The following GALNT3 variants were observed in gnomAD, a reference collection of about 807,000 sequenced individuals.
GALNT3 encodes GalNAc transferase 3.
GALNT3 carries 51 observed loss-of-function variants against 69.8 expected under a neutral mutation model. That is an observed-to-expected ratio of 0.73 (90% CI 0.58 to 0.92). GALNT3 has a LOEUF of 0.92. Ranked by LOEUF, GALNT3 falls within the 40% of genes least tolerant of loss-of-function variation. The pLI is 0.00. For missense variants in GALNT3, 711 were observed against 760.0 expected, an observed-to-expected ratio of 0.94 and a Z score of 0.76; for synonymous variants, 265 against 248.5, an observed-to-expected ratio of 1.07 and a Z score of -0.63.
chr2:165,751,615 T>A (rs942733965), intron 9 of GALNT3, among the ~76,000 whole-genome samples: 8 of 152,186 alleles, frequency 5.3e-5, no homozygotes, highest in African/African-American at 1.9e-4. Context: ...CATAATTGGA[T>A]AACTGTGAAT....
intron 3 of GALNT3, 37 bp from the exon 4 acceptor site, chr2:165,762,091 A>G (rs1009009689): frequency 7.2e-7 from 1 of 1,391,880 alleles, no homozygotes; most frequent in Non-Finnish European, 1.0e-6. Flanking sequence ...TTCTTTCTAA[A>G]TGCATTTTCA....
intron 2 of GALNT3, among the ~76,000 whole-genome samples, chr2:165,768,846 G>A (rs1283520576): frequency 6.7e-6 from 1 of 148,514 alleles, no homozygotes; most frequent in Non-Finnish European, 1.5e-5. Flanking sequence ...CCAGGCTGGA[G>A]TGCAACGGCA....
chr2:165,763,719 T>A (rs534198392), intron 3 of GALNT3, among the ~76,000 whole-genome samples: 5 of 152,228 alleles, frequency 3.3e-5, no homozygotes, highest in Admixed American at 6.5e-5. Context: ...TAAAAAAAAA[T>A]TTACTTACCC....
rs762818320 is a variant in GALNT3, at chr2:165,754,604, A to G, written c.1626+23T>C. The G allele has an allele frequency of 3.9e-6, 6 of 1,527,440 alleles. No homozygotes were observed. In the African/African-American group the frequency reaches 4.1e-5, roughly 10 times the overall value. The allele number at this position is 1,527,440 out of a possible 1,614,324, so 94.6% of individuals were successfully genotyped here. A position where few individuals can be genotyped will look rare whatever the true frequency, so the allele number is the denominator to read the frequency against. ...GTGCTTGTAAATGCTTTACAAGTGAAGGATTTTTAATGCAGTGCTCACCTG... is the reference window on the plus strand; with the variant it reads ...GTGCTTGTAAATGCTTTACAAGTGAGGGATTTTTAATGCAGTGCTCACCTG... On this transcript the variant is annotated intron_variant, in intron 9 of 10. Coordinates refer to ENST00000392701, the MANE Select transcript of GALNT3 (RefSeq NM_004482.4).
chr2:165,754,684 G>A lies in GALNT3; in HGVS notation c.1569C>T (p.Asn523=). 1.2e-6 allele frequency: 2 copies of A among 1,613,460 alleles called. No homozygotes were observed. The highest frequency in any genetic ancestry group is 1.7e-6 in the Non-Finnish European group (2 of 1,179,762). The part of the protein sequence containing the change: ...GQPLCLDVGE[N]NQGGKPLIMY... ...TAATTAATGGTTTGCCTCCTTGATT[G>A]TTTTCTCCAACATCCAGACATAGAG... The change falls in exon 9 of 11, where the codon AAC becomes AAT. Residue 523 remains asparagine, a synonymous_variant. Transcript: ENST00000392701.
intron 1 of GALNT3, among the ~76,000 whole-genome samples, chr2:165,786,362 A>G (rs539659651): frequency 2.5e-4 from 38 of 152,296 alleles, no homozygotes; most frequent in African/African-American, 8.7e-4. Flanking sequence ...ACCCTATTTT[A>G]CTTTATTTAC....
chr2:165,794,587 T>A (rs1683425866), upstream of GALNT3: 1 of 152,338 alleles, frequency 6.6e-6, no homozygotes, highest in Admixed American at 6.5e-5. Context: ...CCCTTCCTCC[T>A]CGGTTCGCCA....
At chr2:165,769,316 G>A (rs1270447552) in intron 2 of GALNT3, among the ~76,000 whole-genome samples, 1 of 148,236 alleles carries the variant, frequency 6.7e-6, no homozygotes, top group Non-Finnish European at 1.5e-5. Context: ...TGACACTGGA[G>A]AATCGCTTGA....
rs377392356 is a variant in GALNT3 at position 165,765,034 on chromosome 2, G to A, written c.538C>T (p.Arg180Cys). 9.5e-5 allele frequency: 153 copies of A among 1,613,978 alleles called. No individual in the cohort carries two copies. Among genetic ancestry groups the A allele is most frequent in the East Asian group, 3.6e-4 (16 of 44,888 alleles). ...CTGGTGGTGGGCAGGGGAGGGCAGC[G>A]CTTAAATTTTTGTTCAATACATCTA... ...PPECIEQKFK[R>C]CPPLPTTSVI... The change falls in exon 3 of 11, where the codon CGC (arginine) becomes TGC (cysteine). Residue 180 changes from arginine to cysteine, a missense_variant. Coordinates refer to ENST00000392701, the MANE Select transcript of GALNT3 (RefSeq NM_004482.4).
chr2:165,764,870 A>C lies in GALNT3; in HGVS notation c.688+14T>G. On this transcript the variant is annotated intron_variant, in intron 3 of 10. Transcript: ENST00000392701. ...GGATTTGGGAAACAATCTAATTTGC[A>C]TGTGCTTTCTTACCATCTACACTAG... 6.2e-7 allele frequency: 1 copy of C among 1,613,840 alleles called. No homozygotes were observed. Among genetic ancestry groups the C allele is most frequent in the East Asian group, 2.2e-5 (1 of 44,866 alleles).
rs774056375 is a variant in GALNT3 at position 165,748,587 on chromosome 2, T to C, written c.*194A>G. 40 of 580,662 alleles carry C rather than the reference T, an allele frequency of 6.9e-5. No homozygotes were observed. The highest frequency in any genetic ancestry group is 1.1e-4 in the Non-Finnish European group (37 of 326,596). The allele number at this position is 580,662 out of a possible 1,614,324, so 36.0% of individuals were successfully genotyped here. ...ATTTTGAAATAGTCTTTGGTATTACTAGTTATTGTGCTTTGAAACAGAAAC... is the reference window on the plus strand; with the variant it reads ...ATTTTGAAATAGTCTTTGGTATTACCAGTTATTGTGCTTTGAAACAGAAAC... On this transcript the variant is annotated 3_prime_UTR_variant, in exon 11 of 11. Coordinates refer to ENST00000392701, the MANE Select transcript of GALNT3 (RefSeq NM_004482.4).
rs1195193477 is a variant in GALNT3 at position 165,770,310 on chromosome 2, T to G, written c.391A>C (p.Thr131Pro). The change falls in exon 2 of 11, where the codon ACC becomes CCC. Residue 131 changes from threonine to proline, a missense_variant. By Grantham distance (38) the Thr-to-Pro change is conservative. Transcript: ENST00000392701. ...PGASGKAFKT[T>P]NLSVEEQKEK... ...TTTTGCTCTTCAACACTTAAATTGGTTGTCTTGAATGCTTTACCAGAAGCA... is the reference window on the plus strand; with the variant it reads ...TTTTGCTCTTCAACACTTAAATTGGGTGTCTTGAATGCTTTACCAGAAGCA... The G allele has an allele frequency of 6.2e-7, 1 of 1,614,018 alleles. No individual in the cohort carries two copies. Among genetic ancestry groups the G allele is most frequent in the Non-Finnish European group, 8.5e-7 (1 of 1,180,028 alleles).
At chr2:165,749,582 T>C (rs1688319351) in intron 10 of GALNT3, among the ~76,000 whole-genome samples, 160 bp downstream of exon 10, 1 of 152,164 alleles carries the variant, frequency 6.6e-6, no homozygotes, top group Non-Finnish European at 1.5e-5. Flanking sequence ...CATAGATATA[T>C]TCTCTTATCA....
intron 2 of GALNT3, among the ~76,000 whole-genome samples, chr2:165,769,727 T>C (rs1306000257): frequency 6.6e-6 from 1 of 152,192 alleles, no homozygotes; most frequent in East Asian, 1.9e-4. Context: ...TCACAAAGTC[T>C]GTGAATTGCT....
At chr2:165,765,272 G>C (rs1336261413) in intron 2 of GALNT3, among the ~76,000 whole-genome samples, 1 of 152,026 alleles carries the variant, frequency 6.6e-6, no homozygotes, top group East Asian at 1.9e-4. Flanking sequence ...TCTACCAACA[G>C]AGATGACAAC....
rs1013254008 is a variant in GALNT3, at chr2:165,751,211, A to G, written c.1627-1317T>C. Among the ~76,000 whole-genome samples, 18 of 152,168 alleles carry G rather than the reference A, an allele frequency of 1.2e-4. 1 individual carries two copies. Among genetic ancestry groups the G allele is most frequent in the Non-Finnish European group, 7.4e-5 (5 of 68,022 alleles). On this transcript the variant is annotated intron_variant, in intron 9 of 10. Coordinates refer to ENST00000392701, the MANE Select transcript of GALNT3 (RefSeq NM_004482.4). ...AATGAAATAATTAGTAGGAGCACTAATATTTGTTAAGTCCTTATTACATGT... is the reference window on the plus strand; with the variant it reads ...AATGAAATAATTAGTAGGAGCACTAGTATTTGTTAAGTCCTTATTACATGT...
At chr2:165,793,785 G>A (rs1683403615) in intron 1 of GALNT3, 1 of 152,912 alleles carries the variant, frequency 6.5e-6, no homozygotes, top group South Asian at 2.1e-4. Flanking sequence ...GGCACCGTGG[G>A]CGAGAGGGTG....
At chr2:165,772,620 T>C (rs542794749) in intron 1 of GALNT3, among the ~76,000 whole-genome samples, 5 of 117,476 alleles carry the variant, frequency 4.3e-5, no homozygotes, top group African/African-American at 1.6e-4. Context: ...GGGAAAACAA[T>C]GTAGAAGGTC....
chr2:165,761,949 G>T lies in GALNT3; in HGVS notation c.794C>A (p.Ala265Glu), dbSNP rs1348755808. 6.2e-7 allele frequency: 1 copy of T among 1,613,986 alleles called. No individual in the cohort carries two copies. Among genetic ancestry groups the T allele is most frequent in the South Asian group, 1.1e-5 (1 of 91,072 alleles). Residue 265 changes from alanine to glutamate, a missense_variant, in exon 4 of 11, where the codon GCA becomes GAA. Ala to Glu is a moderately radical substitution (Grantham distance 107). Coordinates refer to ENST00000392701, the MANE Select transcript of GALNT3 (RefSeq NM_004482.4). ...KGLITARLLG[A>E]TVATAETLTF... Reference sequence around the variant, plus strand: ...GAGCGTTTCAGCTGTTGCGACTGTTGCTCCTAGCAACCGAGCAGTGATCAG... The same window carrying T: ...GAGCGTTTCAGCTGTTGCGACTGTTTCTCCTAGCAACCGAGCAGTGATCAG...
Sources: allele counts gnomAD v4.1 joint callset (sites outside exome capture counted in the v4.1 genomes callset), GRCh38; gene constraint gnomAD v4.1.1; transcripts MANE v1.5; gene names NCBI Gene and HGNC (gene_info 2026-07-23, HGNC 2026-07-21).